The following UNC5C variants were observed in gnomAD, a reference collection of about 807,000 sequenced individuals.
UNC5C encodes netrin receptor UNC5C.
In UNC5C, 47 loss-of-function variants were observed where a neutral mutation model predicts 99.8. The observed-to-expected ratio is 0.47, with a 90% CI of 0.37 to 0.60. The LOEUF (loss-of-function observed/expected upper bound fraction) is 0.60, where lower values mean the gene tolerates loss of function less well. UNC5C is among the 20% of genes least tolerant of loss of function. The pLI is 0.00. For missense variants in UNC5C, 1,062 were observed against 1,165.9 expected (o/e 0.91, Z 1.30); for synonymous variants, 487 against 452.2 (o/e 1.08, Z -0.98).
At chr4:95,329,780 T>C (rs1743041795) in intron 2 of UNC5C, among the ~76,000 whole-genome samples, 1 of 152,178 alleles carries the variant, frequency 6.6e-6, no homozygotes, top group Non-Finnish European at 1.5e-5. Context: ...TTGTTTGTGG[T>C]TTTCTTGCTT....
intron 1 of UNC5C, among the ~76,000 whole-genome samples, chr4:95,488,409 C>T (rs901683161): frequency 6.6e-6 from 1 of 151,734 alleles, no homozygotes; most frequent in Non-Finnish European, 1.5e-5. Flanking sequence ...AATAGTCCAG[C>T]TCTCCGTAGC....
intron 14 of UNC5C, among the ~76,000 whole-genome samples, chr4:95,181,247 G>C (rs886615884): frequency 6.6e-6 from 1 of 152,168 alleles, no homozygotes; most frequent in Non-Finnish European, 1.5e-5. Flanking sequence ...GACTGACACC[G>C]TGTTGCAAAA....
At chr4:95,408,392 A>G (rs1745884323) in intron 1 of UNC5C, among the ~76,000 whole-genome samples, 1 of 152,160 alleles carries the variant, frequency 6.6e-6, no homozygotes, top group South Asian at 2.1e-4. Context: ...TATCACATAA[A>G]TGCATTCAGT....
At chr4:95,524,814 C>T (rs1560494198) in intron 1 of UNC5C, among the ~76,000 whole-genome samples, 1 of 152,156 alleles carries the variant, frequency 6.6e-6, no homozygotes, top group Non-Finnish European at 1.5e-5. Context: ...TAGAAAGCAG[C>T]TGGAACCGGG....
intron 1 of UNC5C, among the ~76,000 whole-genome samples, chr4:95,336,974 C>T (rs1743375410): frequency 6.6e-6 from 1 of 151,866 alleles, no homozygotes; most frequent in South Asian, 2.1e-4. Flanking sequence ...TATGCAAGAA[C>T]ATTCAAGACT....
intron 1 of UNC5C, among the ~76,000 whole-genome samples, chr4:95,373,307 T>C (rs577214148): frequency 1.3e-5 from 2 of 152,312 alleles, no homozygotes; most frequent in African/African-American, 4.8e-5. Flanking sequence ...CCTCTTCTTA[T>C]TCTATTTCCT....
intron 10 of UNC5C, among the ~76,000 whole-genome samples, chr4:95,212,015 C>T (rs1432165501): frequency 1.3e-5 from 2 of 152,072 alleles, no homozygotes; most frequent in East Asian, 3.9e-4. Flanking sequence ...CACTGTGTTT[C>T]CTTGAGACAG....
chr4:95,360,003 T>C (rs1162767959), intron 1 of UNC5C, among the ~76,000 whole-genome samples: 1 of 152,112 alleles, frequency 6.6e-6, no homozygotes. Flanking sequence ...ATAAAGCTAG[T>C]AAGTAGCAAA....
chr4:95,503,804 C>T (rs892209536), intron 1 of UNC5C, among the ~76,000 whole-genome samples: 7 of 152,082 alleles, frequency 4.6e-5, no homozygotes, highest in African/African-American at 1.7e-4. Context: ...CTCCAAATTC[C>T]TCATTGTTGG....
intron 4 of UNC5C, among the ~76,000 whole-genome samples, chr4:95,252,043 T>G (rs73837513): frequency 0.038 from 5,737 of 152,254 alleles, 349 homozygotes; most frequent in African/African-American, 0.13. Context: ...AGTGGGTGTT[T>G]TAAATATGTA....
At chr4:95,372,948 G>T (rs1007979147) in intron 1 of UNC5C, among the ~76,000 whole-genome samples, 13 of 152,136 alleles carry the variant, frequency 8.5e-5, no homozygotes, top group African/African-American at 2.9e-4. Context: ...TCACAGGAGA[G>T]TAAAAACAAT....
chr4:95,292,954 C>G (rs148579729), intron 3 of UNC5C, among the ~76,000 whole-genome samples: 1 of 151,904 alleles, frequency 6.6e-6, no homozygotes, highest in African/African-American at 2.4e-5. Flanking sequence ...ATGGTTAACT[C>G]AAAAGAAAAC....
chr4:95,467,004 G>A (rs1275881289), intron 1 of UNC5C, among the ~76,000 whole-genome samples: 1 of 152,072 alleles, frequency 6.6e-6, no homozygotes, highest in Non-Finnish European at 1.5e-5. Context: ...CTCCATGGAA[G>A]CCAGCTGTCA....
intron 3 of UNC5C, among the ~76,000 whole-genome samples, chr4:95,300,677 T>C (rs998431637): frequency 1.3e-5 from 2 of 152,174 alleles, no homozygotes; most frequent in African/African-American, 4.8e-5. Context: ...CTTTGGAAAG[T>C]AACACAGTTC....
chr4:95,523,465 A>G (rs926300222), intron 1 of UNC5C, among the ~76,000 whole-genome samples: 1 of 152,208 alleles, frequency 6.6e-6, no homozygotes, highest in African/African-American at 2.4e-5. Context: ...AGAAACGGGC[A>G]CTAGGATAGA....
intron 1 of UNC5C, among the ~76,000 whole-genome samples, chr4:95,372,238 T>C (rs1744769881): frequency 6.6e-6 from 1 of 152,210 alleles, no homozygotes; most frequent in Admixed American, 6.5e-5. Context: ...CTTTTGAATA[T>C]CAAGGTGCAG....
intron 7 of UNC5C, among the ~76,000 whole-genome samples, chr4:95,230,366 C>A (rs954812424): frequency 9.2e-5 from 14 of 152,090 alleles, no homozygotes; most frequent in Non-Finnish European, 1.3e-4. Flanking sequence ...GGATAGATTG[C>A]AAAAATTTTC....
At chr4:95,305,795 A>G (rs559080996) in intron 2 of UNC5C, among the ~76,000 whole-genome samples, 7 of 152,320 alleles carry the variant, frequency 4.6e-5, no homozygotes, top group Non-Finnish European at 7.3e-5. Flanking sequence ...ATGAGTGTGC[A>G]CTTGTTAATA....
At chr4:95,339,811 C>T (rs1033216694) in intron 1 of UNC5C, among the ~76,000 whole-genome samples, 7 of 152,084 alleles carry the variant, frequency 4.6e-5, no homozygotes, top group Admixed American at 6.6e-5. Flanking sequence ...ACATGTAGTT[C>T]ATTCAAATTA....
Sources: allele counts gnomAD v4.1 joint callset (sites outside exome capture counted in the v4.1 genomes callset), GRCh38; gene constraint gnomAD v4.1.1; transcripts MANE v1.5; gene names NCBI Gene and HGNC (gene_info 2026-07-23, HGNC 2026-07-21).